Variants in TNRC6C observed in about 807,000 individuals in gnomAD.
The protein encoded by TNRC6C is trinucleotide repeat-containing gene 6C protein.
TNRC6C carries 20 observed loss-of-function variants against 153.7 expected under a neutral mutation model. The ratio of observed to expected loss-of-function variants is 0.13; its 90% CI spans 0.09 to 0.19. The LOEUF (loss-of-function observed/expected upper bound fraction) is 0.19, where lower values mean the gene tolerates loss of function less well. TNRC6C is among the 10% of genes least tolerant of loss of function. TNRC6C has a pLI of 1.00. For missense variants in TNRC6C, 1,987 were observed against 2,172.0 expected, an observed-to-expected ratio of 0.91 and a Z score of 1.69; for synonymous variants, 811 against 841.4, an observed-to-expected ratio of 0.96 and a Z score of 0.63.
rs1399299298 is a variant in TNRC6C, at chr17:78,098,631, G to C, written c.4501+94G>C. 3.6e-6 allele frequency: 5 copies of C among 1,396,150 alleles called. No homozygotes were observed. The African/African-American group carries it at 4.3e-5, about 12-fold the overall frequency. The allele number at this position is 1,396,150 out of a possible 1,614,324, so 86.5% of individuals were successfully genotyped here. On this transcript the variant is annotated intron_variant, in intron 17 of 19. Coordinates refer to ENST00000301624, the Ensembl canonical transcript of TNRC6C. ...CTGTACCTCCTTTGTAAGGACCCCT[G>C]CCTGTAACTCTGGAGCCTGGGAGGG... is the stretch of plus-strand genomic sequence containing the variant.
chr17:78,049,501 A>G lies in TNRC6C; in HGVS notation c.439A>G (p.Thr147Ala). ...CAACCAGAACGGGAACCCAACAGGC[A>G]CTTTAGGTGCTTGGGGAAACTTGCT... Residue 147 changes from threonine to alanine, a missense_variant, in exon 3 of 20, where the codon ACT becomes GCT. This residue lies in a region of TNRC6C where 1,052 missense variants were observed against 1,017.0 expected (regional missense o/e 1.03). Coordinates refer to ENST00000301624, the Ensembl canonical transcript of TNRC6C. The surrounding 1 kb of genome is among the most constrained non-coding windows in gnomAD (Gnocchi z 4.1). 1 of 1,614,048 alleles carries G rather than the reference A, an allele frequency of 6.2e-7. No individual in the cohort carries two copies. The highest frequency in any genetic ancestry group is 1.1e-5 in the South Asian group (1 of 91,088).
chr17:78,096,611 G>A (rs1163106749), intron 16 of TNRC6C, among the ~76,000 whole-genome samples: 1 of 152,190 alleles, frequency 6.6e-6, no homozygotes, highest in Non-Finnish European at 1.5e-5. Context: ...GTGGGCCTAC[G>A]GCTGAGATGC....
intron 1 of TNRC6C, among the ~76,000 whole-genome samples, chr17:78,006,518 T>G (rs1053014736): frequency 7.3e-6 from 1 of 136,370 alleles, no homozygotes; most frequent in Admixed American, 7.3e-5. Context: ...TTCTTCTTCT[T>G]CTTCTTCTTC....
At chr17:78,087,120 C>T (rs1277941778) in intron 13 of TNRC6C, 27 bp downstream of exon 15, 2 of 1,609,218 alleles carry the variant, frequency 1.2e-6, no homozygotes, top group East Asian at 2.2e-5. Flanking sequence ...CTTCAACAGC[C>T]ACATCAGGTA....
intron 2 of TNRC6C, among the ~76,000 whole-genome samples, chr17:78,040,335 A>T (rs189439072): frequency 2.5e-4 from 38 of 152,304 alleles, no homozygotes; most frequent in African/African-American, 8.2e-4. Context: ...TATCTTTAAA[A>T]AATAATAATA....
chr17:78,088,615 C>CT (rs896230383), intron 13 of TNRC6C, among the ~76,000 whole-genome samples: 9 of 146,736 alleles, frequency 6.1e-5, no homozygotes, highest in South Asian at 2.2e-4. Context: ...TCTCTTTTTT[C>CT]TTTTTTTTTT....
At chr17:77,962,297 G>A (rs1347321863) in intron 1 of TNRC6C, among the ~76,000 whole-genome samples, 3 of 152,184 alleles carry the variant, frequency 2.0e-5, no homozygotes, top group Non-Finnish European at 4.4e-5. Flanking sequence ...TTCCCCAATA[G>A]GAATTGGAGC....
At chr17:78,071,114 G>A in exon 6 of TNRC6C, 1 of 1,607,576 alleles carries the variant, frequency 6.2e-7, no homozygotes, top group Non-Finnish European at 8.5e-7. Context: ...AGCAGGATGA[G>A]GCCTGGATCA....
chr17:78,011,676 T>C (rs776799918), intron 1 of TNRC6C, among the ~76,000 whole-genome samples: 20 of 152,252 alleles, frequency 1.3e-4, no homozygotes, highest in Non-Finnish European at 2.5e-4. Context: ...CTATATACTT[T>C]CATTTATCTT....
At chr17:78,023,094 C>T (rs1598700461) in intron 1 of TNRC6C, among the ~76,000 whole-genome samples, 1 of 151,818 alleles carries the variant, frequency 6.6e-6, no homozygotes, top group Non-Finnish European at 1.5e-5. Flanking sequence ...AAGTCCAGCC[C>T]ACCCTGGGCA....
At chr17:78,071,423 CT>C (rs997063649) in intron 6 of TNRC6C, among the ~76,000 whole-genome samples, 106 of 146,206 alleles carry the variant, frequency 7.3e-4, no homozygotes, top group Non-Finnish European at 8.8e-4. Flanking sequence ...ATAGAAAATG[CT>C]TTTTTTTTTT....
intron 11 of TNRC6C, among the ~76,000 whole-genome samples, chr17:78,084,153 G>T (rs940288853): frequency 6.6e-6 from 1 of 151,986 alleles, no homozygotes; most frequent in Non-Finnish European, 1.5e-5. Context: ...GCATGATGGC[G>T]CATGTCTGTA....
chr17:78,036,103 C>T (rs1220402888), intron 2 of TNRC6C, among the ~76,000 whole-genome samples: 2 of 152,134 alleles, frequency 1.3e-5, no homozygotes, highest in Non-Finnish European at 2.9e-5. Flanking sequence ...CTGAGGGAGG[C>T]GTCCTTAGGA....
intron 13 of TNRC6C, among the ~76,000 whole-genome samples, chr17:78,087,935 G>A (rs2073326057): frequency 6.6e-6 from 1 of 152,164 alleles, no homozygotes; most frequent in Non-Finnish European, 1.5e-5. Context: ...GGACTAATTT[G>A]CCGTAAGAAT....
chr17:78,033,459 C>G (rs780607365), intron 2 of TNRC6C, among the ~76,000 whole-genome samples: 1 of 152,094 alleles, frequency 6.6e-6, no homozygotes, highest in Non-Finnish European at 1.5e-5. Flanking sequence ...CACCTGAGGT[C>G]GAGAGTTCGA....
chr17:77,962,389 A>G (rs879637261), intron 1 of TNRC6C, among the ~76,000 whole-genome samples: 35 of 152,334 alleles, frequency 2.3e-4, no homozygotes, highest in Admixed American at 1.2e-3. Flanking sequence ...TTAAGATTTT[A>G]TAAGAAAGAA....
intron 1 of TNRC6C, among the ~76,000 whole-genome samples, chr17:78,023,963 A>C (rs2071885094): frequency 6.6e-6 from 1 of 152,160 alleles, no homozygotes; most frequent in Admixed American, 6.6e-5. Context: ...TACAAAAATT[A>C]GCCAGGCATG....
At chr17:78,050,076 T>G in exon 3 of TNRC6C, 1 of 1,610,266 alleles carries the variant, frequency 6.2e-7, no homozygotes, top group Admixed American at 1.7e-5. Flanking sequence ...CCTCTAACGG[T>G]GTGAATGGGG....
intron 1 of TNRC6C, among the ~76,000 whole-genome samples, chr17:77,980,876 T>C (rs1338609684): frequency 1.3e-5 from 2 of 152,240 alleles, no homozygotes. Context: ...GGTGCTTCCA[T>C]GCCCTCTCTG....
Sources: gnomAD v4.1 joint callset for allele counts (sites outside exome capture counted in the v4.1 genomes callset) on GRCh38, gnomAD v4.1.1 for gene constraint, gnomAD v4.1.1 regional missense constraint, Gnocchi (gnomAD v3.1) non-coding constraint, MANE v1.5 for transcripts, NCBI Gene and HGNC (gene_info 2026-07-23, HGNC 2026-07-21) for gene names.